PTPRG: variants seen among roughly 807,000 people sequenced by gnomAD.
PTPRG encodes receptor-type tyrosine-protein phosphatase gamma.
A neutral mutation model predicts 165.3 loss-of-function variants in PTPRG; 102 were observed. The observed-to-expected ratio is 0.62, with a 90% confidence interval of 0.53 to 0.73. PTPRG has a LOEUF of 0.73. PTPRG is among the 30% of genes least tolerant of loss of function. The probability of loss-of-function intolerance (pLI) is 0.00; values close to 1 mark genes in which losing one functional copy is unlikely to be tolerated. For missense variants in PTPRG, 1,866 were observed against 1,861.4 expected (o/e 1.00, Z -0.05); for synonymous variants, 675 against 669.5 (o/e 1.01, Z -0.13).
At position 62,293,452 on chromosome 3, in the gene PTPRG, T is replaced by C. The variant is rs1576237420; in HGVS notation, c.*145T>C. On this transcript the variant is annotated 3_prime_UTR_variant, in exon 30 of 30. Transcript: ENST00000474889. ...GTTTTGATATTTATTTTTTGCCATT[T>C]TATGTCTTAATGGTATCCTACTGAG... is the stretch of plus-strand genomic sequence containing the variant. 19 of 711,386 alleles carry C rather than the reference T, an allele frequency of 2.7e-5. No individual in the cohort carries two copies. In the East Asian group the frequency reaches 5.7e-4, roughly 21 times the overall value. 44.1% of individuals were successfully genotyped at this position (711,386 alleles called of 1,614,324 possible).
chr3:61,928,923 G>A (rs779533730), intron 2 of PTPRG, among the ~76,000 whole-genome samples: 34 of 152,132 alleles, frequency 2.2e-4, no homozygotes, highest in Non-Finnish European at 4.1e-4. Context: ...GGGGACATTT[G>A]GCAGTGGATG....
intron 1 of PTPRG, among the ~76,000 whole-genome samples, chr3:61,747,899 T>C (rs2033273569): frequency 6.6e-6 from 1 of 152,150 alleles, no homozygotes; most frequent in Non-Finnish European, 1.5e-5. Context: ...TCATTTTGGA[T>C]TTTGAGGCAC....
chr3:62,280,341 T>G (rs1702387458), intron 26 of PTPRG, among the ~76,000 whole-genome samples: 1 of 151,964 alleles, frequency 6.6e-6, no homozygotes, highest in African/African-American at 2.4e-5. Flanking sequence ...TCCTCAGGGT[T>G]AATATACAAA....
chr3:61,952,735 T>G (rs2039929447), intron 2 of PTPRG, among the ~76,000 whole-genome samples: 1 of 152,098 alleles, frequency 6.6e-6, no homozygotes, highest in Non-Finnish European at 1.5e-5. Flanking sequence ...CCATTTGCCC[T>G]AGCCTCAAAC....
At chr3:61,996,344 C>T (rs976522387) in intron 3 of PTPRG, among the ~76,000 whole-genome samples, 2 of 152,080 alleles carry the variant, frequency 1.3e-5, no homozygotes, top group African/African-American at 2.4e-5. Flanking sequence ...CAGTAGCCTC[C>T]TCAATGTAAT....
chr3:61,740,684 G>A (rs997176742), intron 1 of PTPRG, among the ~76,000 whole-genome samples: 1 of 151,742 alleles, frequency 6.6e-6, no homozygotes, highest in South Asian at 2.1e-4. Flanking sequence ...TCTAGGATAC[G>A]ACATTGCTGT....
At chr3:62,171,089 G>A (rs2106744071) in intron 8 of PTPRG, among the ~76,000 whole-genome samples, 1 of 152,240 alleles carries the variant, frequency 6.6e-6, no homozygotes, top group South Asian at 2.1e-4. Flanking sequence ...TCTCTGTTGT[G>A]GCCTGTAGTT....
chr3:61,660,472 T>C (rs148132550), intron 1 of PTPRG, among the ~76,000 whole-genome samples: 91 of 152,294 alleles, frequency 6.0e-4, no homozygotes, highest in African/African-American at 2.1e-3. Context: ...GGTCCAGAGT[T>C]TGGATACTGA....
chr3:62,151,855 C>T (rs1186873186), intron 6 of PTPRG, among the ~76,000 whole-genome samples: 3 of 152,180 alleles, frequency 2.0e-5, no homozygotes, highest in Non-Finnish European at 2.9e-5. Context: ...CTGTGTCAAG[C>T]GCTCTCCTAA....
intron 12 of PTPRG, among the ~76,000 whole-genome samples, chr3:62,212,602 T>C (rs1366495759): frequency 6.6e-6 from 1 of 152,156 alleles, no homozygotes; most frequent in Non-Finnish European, 1.5e-5. Context: ...GAAACCAGGC[T>C]GGCCAGAGTG....
chr3:61,780,832 A>G (rs899705354), intron 2 of PTPRG, among the ~76,000 whole-genome samples: 3 of 152,370 alleles, frequency 2.0e-5, no homozygotes, highest in African/African-American at 7.2e-5. Context: ...TAAAATGTCC[A>G]TGAAATTAAA....
intron 2 of PTPRG, among the ~76,000 whole-genome samples, chr3:61,967,759 T>A (rs2040302695): frequency 6.6e-6 from 1 of 152,242 alleles, no homozygotes; most frequent in Non-Finnish European, 1.5e-5. Context: ...TGTCTATCTT[T>A]ACTATTGTTG....
intron 1 of PTPRG, among the ~76,000 whole-genome samples, chr3:61,593,719 AAAAAG>A (rs200182747): frequency 0.019 from 1,160 of 59,702 alleles, 13 homozygotes; most frequent in African/African-American, 0.042. Context: ...AAAAAAAAAA[AAAAAG>A]AAGAAAAAGC....
At chr3:61,705,762 A>G (rs1257310845) in intron 1 of PTPRG, among the ~76,000 whole-genome samples, 1 of 152,206 alleles carries the variant, frequency 6.6e-6, no homozygotes. Flanking sequence ...TGAATTAATG[A>G]ACAGTGGTAC....
chr3:62,125,680 CTTTTTTTTTTT>C (rs34765777), intron 5 of PTPRG, among the ~76,000 whole-genome samples: 1 of 139,794 alleles, frequency 7.2e-6, no homozygotes, highest in African/African-American at 2.6e-5. Context: ...GATCTCATAC[CTTTTTTTTTTT>C]TTTTTTTAAA....
intron 2 of PTPRG, among the ~76,000 whole-genome samples, chr3:61,806,772 C>T (rs765882307): frequency 1.3e-5 from 2 of 152,134 alleles, no homozygotes; most frequent in Non-Finnish European, 2.9e-5. Context: ...TTAGAAGCCT[C>T]ATAAAACCAG....
intron 28 of PTPRG, among the ~76,000 whole-genome samples, chr3:62,285,285 G>A (rs974164468): frequency 2.6e-5 from 4 of 152,094 alleles, no homozygotes; most frequent in Non-Finnish European, 5.9e-5. Flanking sequence ...ATTGTCCCCA[G>A]AAAGCCTTGC....
intron 1 of PTPRG, among the ~76,000 whole-genome samples, chr3:61,563,184 G>GGGT (rs2106749757): frequency 6.6e-6 from 1 of 151,540 alleles, no homozygotes; most frequent in African/African-American, 2.4e-5. Flanking sequence ...CCGGGTTGCT[G>GGGT]TTCGCGCCGG....
intron 2 of PTPRG, among the ~76,000 whole-genome samples, chr3:61,868,104 A>C (rs377602746): frequency 2.2e-4 from 33 of 152,298 alleles, no homozygotes; most frequent in African/African-American, 7.2e-4. Flanking sequence ...TAAACACATG[A>C]AGAAGTGCAG....
Sources: gnomAD v4.1 joint callset for allele counts (sites outside exome capture counted in the v4.1 genomes callset) on GRCh38, gnomAD v4.1.1 for gene constraint, MANE v1.5 for transcripts, NCBI Gene and HGNC (gene_info 2026-07-23, HGNC 2026-07-21) for gene names.